Variants in CHST10 observed in about 807,000 individuals in gnomAD.
The protein encoded by CHST10 is carbohydrate sulfotransferase 10.
CHST10 carries 24 observed loss-of-function variants against 34.7 expected under a neutral mutation model. The observed-to-expected ratio is 0.69, with a 90% CI of 0.50 to 0.97. The LOEUF is 0.97. Among genes scored for constraint, CHST10 ranks in the 50% least tolerant of loss-of-function variants. The pLI, the probability that CHST10 is intolerant of heterozygous loss-of-function variation, is 0.00. For missense variants in CHST10, 402 were observed against 452.1 expected, an observed-to-expected ratio of 0.89 and a Z score of 1.00; for synonymous variants, 161 against 169.3, an observed-to-expected ratio of 0.95 and a Z score of 0.38.
In CHST10 at chr2:100,406,664, C is replaced by G; in HGVS notation, c.12G>C (p.Gln4His). 5.0e-6 allele frequency: 8 copies of G among 1,612,400 alleles called. No homozygotes were observed. Among genetic ancestry groups the G allele is most frequent in the Non-Finnish European group, 6.8e-6 (8 of 1,179,090 alleles). The change falls in exon 3 of 7, where the codon CAG becomes CAC. Residue 4 changes from glutamine (Q) to histidine (H), a missense_variant. Coordinates refer to ENST00000264249, the MANE Select transcript of CHST10 (RefSeq NM_004854.5). Reference protein sequence around the residue: MHHQWLLLAACFWV... With the variant: MHHHWLLLAACFWV... ...AAAAGCATGCGGCCAGCAGAAGCCA[C>G]TGGTGGTGCATGTTGTCACACCGCA...
intron 5 of CHST10, among the ~76,000 whole-genome samples, chr2:100,397,018 G>A (rs953221822): frequency 6.6e-6 from 1 of 152,158 alleles, no homozygotes; most frequent in Admixed American, 6.5e-5. Context: ...CCCCTGCGAA[G>A]GCCAAACAGT....
chr2:100,397,122 C>T lies in CHST10; in HGVS notation c.427+786G>A, dbSNP rs750765254. Among the ~76,000 whole-genome samples the T allele has an allele frequency of 4.6e-5, 7 of 152,282 alleles. No homozygotes were observed. The South Asian group carries it at 8.3e-4, about 18-fold the overall frequency. ...CACCTACCCATGGTGCCCCAAAATC[C>T]GATTTCTGACCCAGGAGTCCCACTG... is the stretch of plus-strand genomic sequence containing the variant. On this transcript the variant is annotated intron_variant, in intron 5 of 6. Transcript: ENST00000264249.
intron 2 of CHST10, among the ~76,000 whole-genome samples, chr2:100,409,228 A>G (rs943286987): frequency 6.6e-6 from 1 of 152,102 alleles, no homozygotes; most frequent in Non-Finnish European, 1.5e-5. Flanking sequence ...TTAAGAATCA[A>G]ATCTTTCCAA....
chr2:100,398,042 T>C lies in CHST10; in HGVS notation c.293A>G (p.Lys98Arg), dbSNP rs1675152158. 2 of 1,614,192 alleles carry C rather than the reference T, an allele frequency of 1.2e-6. No individual in the cohort carries two copies. Among genetic ancestry groups the C allele is most frequent in the Non-Finnish European group, 1.7e-6 (2 of 1,180,032 alleles). The stretch of plus-strand genomic sequence containing the variant: ...GGAGACAGGAGTGTGCGAGAGATTC[T>C]TCAGGGCATCATCCCTGCAGACGTT... ...IRNVCRDDAL[K>R]NLSHTPVSKF... Residue 98 changes from lysine to arginine, a missense_variant, in exon 5 of 7, where the codon AAG becomes AGG. Physicochemically the swap from Lys to Arg is conservative, Grantham distance 26. Transcript: ENST00000264249.
In CHST10 at chr2:100,394,762, C is replaced by T. The variant is rs372158092; in HGVS notation, c.533+747G>A. On this transcript the variant is annotated intron_variant, in intron 6 of 6. Transcript: ENST00000264249. The stretch of plus-strand genomic sequence containing the variant: ...TTTTTGAGACAGAGTCTTGCTCTGT[C>T]GCCCCAGCTAGAGTACGGTGGCCAG... Among the ~76,000 whole-genome samples, 158 of 148,808 alleles carry T rather than the reference C, an allele frequency of 1.1e-3. No individual in the cohort carries two copies. The Middle Eastern group carries it at 0.014, about 13-fold the overall frequency.
rs1230933209 is a variant in CHST10 at position 100,410,701 on chromosome 2, G to A, written c.-32-3994C>T. ...AACTGAGACTAGAAAACAACCAAAT[G>A]CTATGAGGACTTCAGTATTATTTGA... On this transcript the variant is annotated intron_variant, in intron 2 of 6. Coordinates refer to ENST00000264249, the MANE Select transcript of CHST10 (RefSeq NM_004854.5). Among the ~76,000 whole-genome samples, 3 of 152,254 alleles carry A rather than the reference G, an allele frequency of 2.0e-5. No individual in the cohort carries two copies. The East Asian group carries it at 5.8e-4, about 29-fold the overall frequency.
chr2:100,416,255 A>G (rs1299874466), intron 1 of CHST10: 3 of 152,220 alleles, frequency 2.0e-5, no homozygotes, highest in African/African-American at 7.2e-5. Flanking sequence ...AAACACTGAA[A>G]AATGATCCGA....
At chr2:100,406,067 C>G (rs556667701) in intron 3 of CHST10, among the ~76,000 whole-genome samples, 1 of 152,168 alleles carries the variant, frequency 6.6e-6, no homozygotes, top group African/African-American at 2.4e-5. Flanking sequence ...TGAATGCCTA[C>G]GTTCAGTAAA....
intron 4 of CHST10, among the ~76,000 whole-genome samples, chr2:100,398,373 C>T (rs1675174276): frequency 6.8e-6 from 1 of 146,672 alleles, no homozygotes; most frequent in Non-Finnish European, 1.5e-5. Flanking sequence ...TGAATGCAAG[C>T]TTGGTTCCTC....
At chr2:100,408,927 G>C (rs10180570) in intron 2 of CHST10, among the ~76,000 whole-genome samples, 15,291 of 151,872 alleles carry the variant, frequency 0.1, 2,098 homozygotes, top group African/African-American at 0.3. Flanking sequence ...GGGAGTAAAA[G>C]GAACAGGATG....
chr2:100,392,917 C>T lies in CHST10; in HGVS notation c.*328G>A, dbSNP rs960771496. 3.1e-5 allele frequency: 9 copies of T among 288,706 alleles called. No homozygotes were observed. Among genetic ancestry groups the T allele is most frequent in the African/African-American group, 6.4e-5 (3 of 46,792 alleles). 17.9% of individuals were successfully genotyped at this position (288,706 alleles called of 1,614,324 possible). A position where few individuals can be genotyped will look rare whatever the true frequency, so the allele number is the denominator to read the frequency against. ...CCCCTTCCTTAACACCTGAAGGAAA[C>T]GGCTCCTAACGCTGTGTGATGCTTC... On this transcript the variant is annotated 3_prime_UTR_variant, in exon 7 of 7. Transcript: ENST00000264249.
At chr2:100,398,193 G>T in intron 4 of CHST10, 51 bp from the exon 5 acceptor site, 2 of 1,409,722 alleles carry the variant, frequency 1.4e-6, no homozygotes, top group South Asian at 2.6e-5. Flanking sequence ...AAGGAGGCAG[G>T]ACCGGGCCAA....
At chr2:100,407,483 C>T (rs1573193374) in intron 2 of CHST10, among the ~76,000 whole-genome samples, 1 of 152,216 alleles carries the variant, frequency 6.6e-6, no homozygotes, top group African/African-American at 2.4e-5. Flanking sequence ...AAGCTCTCCA[C>T]GTACAGACAA....
At chr2:100,394,642 A>T (rs549200518) in intron 6 of CHST10, among the ~76,000 whole-genome samples, 2 of 150,792 alleles carry the variant, frequency 1.3e-5, no homozygotes, top group Non-Finnish European at 2.9e-5. Flanking sequence ...TTGCATCCTC[A>T]CTCCTTTTCA....
chr2:100,397,637 G>A (rs1384400115), intron 5 of CHST10, among the ~76,000 whole-genome samples: 1 of 152,180 alleles, frequency 6.6e-6, no homozygotes, highest in Admixed American at 6.5e-5. Context: ...GGGGGTGGGC[G>A]AGCCACCTAA....
intron 5 of CHST10, among the ~76,000 whole-genome samples, chr2:100,397,563 C>T (rs569218861): frequency 6.6e-6 from 1 of 152,072 alleles, no homozygotes; most frequent in Non-Finnish European, 1.5e-5. Flanking sequence ...CTGGGGATGT[C>T]GGACAGAGTG....
In CHST10 at chr2:100,402,559, C is replaced by T; in HGVS notation, c.192+5G>A. The T allele has an allele frequency of 6.2e-7, 1 of 1,612,886 alleles. No homozygotes were observed. On this transcript the variant is annotated splice_donor_5th_base_variant and intron_variant, in intron 4 of 6. Transcript: ENST00000264249. ...GGACAAGGACCACGGCCTGGCTGTG[C>T]CCACCTTCAGTTCCTCAGGAATGTG...
At chr2:100,400,883 G>A (rs7564318) in intron 4 of CHST10, among the ~76,000 whole-genome samples, 5,901 of 151,972 alleles carry the variant, frequency 0.039, 364 homozygotes, top group African/African-American at 0.13. Flanking sequence ...GTTTCACCAT[G>A]TTAGCCAGGC....
rs943828756 is a variant in CHST10 at position 100,405,930 on chromosome 2, G to A, written c.100+646C>T. Among the ~76,000 whole-genome samples, 4 of 152,180 alleles carry A rather than the reference G, an allele frequency of 2.6e-5. 1 individual carries two copies. Among genetic ancestry groups the A allele is most frequent in the South Asian group, 4.1e-4 (2 of 4,826 alleles). On this transcript the variant is annotated intron_variant, in intron 3 of 6. Transcript: ENST00000264249. ...CACCATGCTCAGGGCAATCATGGGC[G>A]GTGCCGGAGCAGGCAGGGTGTCCAT...
Sources: gnomAD v4.1 joint callset for allele counts (sites outside exome capture counted in the v4.1 genomes callset) on GRCh38, gnomAD v4.1.1 for gene constraint, MANE v1.5 for transcripts, NCBI Gene and HGNC (gene_info 2026-07-23, HGNC 2026-07-21) for gene names.